NPY5R: variants seen among roughly 807,000 people sequenced by gnomAD.
The protein encoded by NPY5R is neuropeptide Y receptor Y5.
NPY5R carries 21 observed loss-of-function variants against 24.8 expected under a neutral mutation model. The ratio of observed to expected loss-of-function variants is 0.85; its 90% CI spans 0.60 to 1.22. NPY5R has a LOEUF of 1.22. NPY5R is among the 50% of genes most tolerant of loss of function. The pLI, the probability that NPY5R is intolerant of heterozygous loss-of-function variation, is 0.00. For synonymous variants in NPY5R, 175 were observed against 183.0 expected (o/e 0.96, Z 0.35); for missense variants, 481 against 521.3 (o/e 0.92, Z 0.75).
In NPY5R at chr4:163,350,994, G is replaced by T; in HGVS notation, c.721G>T (p.Gly241Ter). ...HTSVCRSISC[G>*]LSNKENRLEE... The stretch of plus-strand genomic sequence containing the variant: ...AAGTGTCTGCAGAAGTATAAGCTGT[G>T]GATTGTCCAACAAAGAAAACAGACT... Residue 241 changes from glycine to a stop codon, truncating the protein, a stop_gained, in exon 4 of 4, where the codon GGA becomes TGA. Transcript: ENST00000338566. LOFTEE classifies it high-confidence loss of function. 1 of 1,613,960 alleles carries T rather than the reference G, an allele frequency of 6.2e-7. No homozygotes were observed.
chr4:163,349,428 T>C (rs746507361), intron 3 of NPY5R: 44 of 344,694 alleles, frequency 1.3e-4, no homozygotes, highest in Non-Finnish European at 1.6e-4. Context: ...CAGATTATGA[T>C]ATGTAGCATC....
Position 163,350,643 on chromosome 4 carries a change from T to C in NPY5R, c.370T>C (p.Ser124Pro). The change falls in exon 4 of 4, where the codon TCA becomes CCA. Residue 124 changes from serine to proline, a missense_variant. Coordinates refer to ENST00000338566, the MANE Select transcript of NPY5R (RefSeq NM_006174.4). ...TATTATGCCTTTTCTTCAATGTGTGTCAGTTTTGGTTTCAACTTTAATTTT... is the reference window on the plus strand; with the variant it reads ...TATTATGCCTTTTCTTCAATGTGTGCCAGTTTTGGTTTCAACTTTAATTTT... ...CHIMPFLQCVSVLVSTLILIS... is the reference protein window; with the variant it reads ...CHIMPFLQCVPVLVSTLILIS... 1 of 1,614,130 alleles carries C rather than the reference T, an allele frequency of 6.2e-7. No individual in the cohort carries two copies. The highest frequency in any genetic ancestry group is 8.5e-7 in the Non-Finnish European group (1 of 1,180,022).
chr4:163,350,579 C>T lies in NPY5R; in HGVS notation c.306C>T (p.Val102=). 1 of 1,614,128 alleles carries T rather than the reference C, an allele frequency of 6.2e-7. No individual in the cohort carries two copies. Residue 102 remains valine, a synonymous_variant, in exon 4 of 4, where the codon GTC becomes GTT. Transcript: ENST00000338566. Reference sequence around the variant, plus strand: ...GCTCACCTTTCACACTGACGTCTGTCTTGCTGGATCAGTGGATGTTTGGCA... The same window carrying T: ...GCTCACCTTTCACACTGACGTCTGTTTTGCTGGATCAGTGGATGTTTGGCA... ...LFCSPFTLTS[V]LLDQWMFGKV...
intron 3 of NPY5R, chr4:163,349,281 T>G: frequency 1.1e-6 from 1 of 890,486 alleles, no homozygotes; most frequent in Non-Finnish European, 1.3e-6. Context: ...TCATAAACAT[T>G]TATTTAATAC....
intron 3 of NPY5R, chr4:163,349,248 T>C: frequency 5.8e-6 from 3 of 515,082 alleles, no homozygotes; most frequent in Non-Finnish European, 7.5e-6. Context: ...GTTACTAGAG[T>C]TTTGTTTGAA....
chr4:163,351,107 T>C lies in NPY5R; in HGVS notation c.834T>C (p.Ser278=). 3.1e-6 allele frequency: 5 copies of C among 1,613,986 alleles called. No individual in the cohort carries two copies. The highest frequency in any genetic ancestry group is 4.2e-6 in the Non-Finnish European group (5 of 1,179,986). The change falls in exon 4 of 4, where the codon AGT becomes AGC. Residue 278 remains serine (S), a synonymous_variant. Coordinates refer to ENST00000338566, the MANE Select transcript of NPY5R (RefSeq NM_006174.4). ...QVKLSGSHKW[S]YSFIKKHRRR... is the part of the protein sequence containing the mutation. Reference sequence around the variant, plus strand: ...AACTCTCTGGCAGCCATAAATGGAGTTATTCATTCATCAAAAAACACAGAA... The same window carrying C: ...AACTCTCTGGCAGCCATAAATGGAGCTATTCATTCATCAAAAAACACAGAA...
intron 3 of NPY5R, among the ~76,000 whole-genome samples, 177 bp downstream of exon 3, chr4:163,347,699 A>T (rs976878291): frequency 1.2e-4 from 19 of 152,210 alleles, no homozygotes; most frequent in African/African-American, 4.1e-4. Context: ...TGACCTATCC[A>T]GAGTAGGTGC....
chr4:163,350,670 A>C lies in NPY5R; in HGVS notation c.397A>C (p.Ile133Leu). ...AGTTTTGGTTTCAACTTTAATTTTAATATCAATTGCCATTGTCAGGTATCA... is the reference window on the plus strand; with the variant it reads ...AGTTTTGGTTTCAACTTTAATTTTACTATCAATTGCCATTGTCAGGTATCA... ...VSVLVSTLIL[I>L]SIAIVRYHMI... The change falls in exon 4 of 4, where the codon ATA (isoleucine) becomes CTA (leucine). Residue 133 changes from isoleucine to leucine, a missense_variant. Ile to Leu is a conservative substitution (Grantham distance 5). Transcript: ENST00000338566. The C allele has an allele frequency of 6.2e-7, 1 of 1,614,034 alleles. No homozygotes were observed. The highest frequency in any genetic ancestry group is 8.5e-7 in the Non-Finnish European group (1 of 1,179,978).
chr4:163,350,279 T>C lies in NPY5R; in HGVS notation c.6T>C (p.Asp2=). Residue 2 remains aspartate (D), a synonymous_variant, in exon 4 of 4, where the codon GAT becomes GAC. Transcript: ENST00000338566. ...ATTCCAAGCAGGACTATAATATGGA[T>C]TTAGAGCTCGACGAGTATTATAACA... M[D]LELDEYYNKT... 1 of 1,559,934 alleles carries C rather than the reference T, an allele frequency of 6.4e-7. No homozygotes were observed.
At chr4:163,345,232 T>C (rs1025076902) in intron 1 of NPY5R, 6 of 152,256 alleles carry the variant, frequency 3.9e-5, no homozygotes, top group African/African-American at 1.2e-4. Flanking sequence ...CAGTTCCTCC[T>C]ATTATTCTTG....
In NPY5R at chr4:163,345,952, G is replaced by A. The variant is rs367904521; in HGVS notation, c.-81+199G>A. On this transcript the variant is annotated intron_variant, in intron 2 of 3. Coordinates refer to ENST00000338566, the MANE Select transcript of NPY5R (RefSeq NM_006174.4). ...CCCCCACCCCCCCTCCCTGCCTCCA[G>A]CATTTGCAATATTCATTATTTAGTC... Among the ~76,000 whole-genome samples the A allele has an allele frequency of 6.2e-4, 19 of 30,788 alleles. 1 individual carries two copies. The highest frequency in any genetic ancestry group is 4.9e-3 in the East Asian group (6 of 1,228). 20.2% of individuals were successfully genotyped at this position (30,788 alleles called of 152,430 possible).
At position 163,350,447 on chromosome 4, in the gene NPY5R, G is replaced by A. The variant is rs866991067; in HGVS notation, c.174G>A (p.Gly58=). 1 of 1,613,776 alleles carries A rather than the reference G, an allele frequency of 6.2e-7. No individual in the cohort carries two copies. Among genetic ancestry groups the A allele is most frequent in the Non-Finnish European group, 8.5e-7 (1 of 1,179,736 alleles). The change falls in exon 4 of 4, where the codon GGG becomes GGA. Residue 58 remains glycine, a synonymous_variant. Transcript: ENST00000338566. ...YTFVSLLGFM[G]NLLILMALMK... ...TTGTAAGTCTTCTTGGCTTTATGGG[G>A]AATCTACTTATTTTAATGGCTCTCA...
intron 2 of NPY5R, 108 bp downstream of exon 2, chr4:163,345,861 T>G (rs1388153356): frequency 6.6e-6 from 1 of 152,198 alleles, no homozygotes; most frequent in Non-Finnish European, 1.5e-5. Context: ...ATTTTCCTAA[T>G]GTTTAAACTA....
Position 163,351,608 on chromosome 4 carries a change from G to A in NPY5R, c.1335G>A (p.Met445Ile), listed in dbSNP as rs1428538603. ...DLVSLIHCLH[M>I] ...TGTCCCTTATACACTGTCTTCATAT[G>A]TAATAATTCTCACTGTTTACCAAGG... Residue 445 changes from methionine to isoleucine, a missense_variant, in exon 4 of 4, where the codon ATG (methionine) becomes ATA (isoleucine). By Grantham distance (10) the Met-to-Ile change is conservative. Coordinates refer to ENST00000338566, the MANE Select transcript of NPY5R (RefSeq NM_006174.4). The A allele has an allele frequency of 1.3e-6, 2 of 1,587,870 alleles. No homozygotes were observed. Among genetic ancestry groups the A allele is most frequent in the South Asian group, 1.1e-5 (1 of 88,346 alleles).
chr4:163,351,670 T>A lies in NPY5R; in HGVS notation c.*59T>A. ...GCTGGGGTCATATAAAATATATTTA[T>A]GATAACTATTTACATATAATAAATA... On this transcript the variant is annotated 3_prime_UTR_variant, in exon 4 of 4. Transcript: ENST00000338566. 1.7e-6 allele frequency: 2 copies of A among 1,183,274 alleles called. No individual in the cohort carries two copies. The highest frequency in any genetic ancestry group is 2.3e-6 in the Non-Finnish European group (2 of 856,868). The allele number at this position is 1,183,274 out of a possible 1,614,324, so 73.3% of individuals were successfully genotyped here. A position where few individuals can be genotyped will look rare whatever the true frequency, so the allele number is the denominator to read the frequency against.
intron 1 of NPY5R, chr4:163,345,171 A>G (rs1735177268): frequency 6.6e-6 from 1 of 152,228 alleles, no homozygotes. Context: ...CAAACAAAGA[A>G]ACCTTATTTA....
At position 163,351,061 on chromosome 4, in the gene NPY5R, A is replaced by G. The variant is rs761809480; in HGVS notation, c.788A>G (p.Lys263Arg). ...EMINLTLHPS[K>R]KSGPQVKLSG... is the part of the protein sequence containing the mutation. ...ATCAACTTAACTCTTCATCCATCCA[A>G]AAAGAGTGGGCCTCAGGTGAAACTC... Residue 263 changes from lysine (K) to arginine (R), a missense_variant, in exon 4 of 4, where the codon AAA becomes AGA. By Grantham distance (26) the Lys-to-Arg change is conservative. Transcript: ENST00000338566. 1.3e-5 allele frequency: 21 copies of G among 1,614,136 alleles called. No individual in the cohort carries two copies. The highest frequency in any genetic ancestry group is 1.8e-5 in the Non-Finnish European group (21 of 1,179,972).
chr4:163,350,124 A>C (rs942190449), intron 3 of NPY5R, 141 bp from the exon 4 acceptor site: 1 of 407,470 alleles, frequency 2.5e-6, no homozygotes, highest in East Asian at 3.8e-5. Flanking sequence ...AAAAAAAAAA[A>C]AGATATCATA....
At chr4:163,348,036 G>GA (rs1303350189) in intron 3 of NPY5R, among the ~76,000 whole-genome samples, 1 of 152,160 alleles carries the variant, frequency 6.6e-6, no homozygotes, top group Non-Finnish European at 1.5e-5. Flanking sequence ...TATTTGTAAT[G>GA]AATGTATGTA....
Sources: gnomAD v4.1 joint callset for allele counts (sites outside exome capture counted in the v4.1 genomes callset) on GRCh38, gnomAD v4.1.1 for gene constraint, MANE v1.5 for transcripts, NCBI Gene and HGNC (gene_info 2026-07-23, HGNC 2026-07-21) for gene names.